The following CLEC4A variants were observed in gnomAD, a reference collection of about 807,000 sequenced individuals.
CLEC4A encodes the protein C-type (calcium dependent, carbohydrate-recognition domain) lectin, superfamily member 6.
Under a neutral mutation model 32.7 loss-of-function variants are expected in CLEC4A, and 27 were observed. That is an observed-to-expected ratio of 0.83 (90% CI 0.61 to 1.14). The LOEUF (loss-of-function observed/expected upper bound fraction) is 1.14. Among genes scored for constraint, CLEC4A ranks in the 50% most tolerant of loss-of-function variants. The probability of loss-of-function intolerance (pLI) is 0.00; values close to 1 mark genes in which losing one functional copy is unlikely to be tolerated. For missense variants in CLEC4A, 253 were observed against 274.6 expected, an observed-to-expected ratio of 0.92 and a Z score of 0.55; for synonymous variants, 89 against 93.7, an observed-to-expected ratio of 0.95 and a Z score of 0.29.
At chr12:8,135,858 A>T in intron 4 of CLEC4A, 122 bp downstream of exon 4, 1 of 983,390 alleles carries the variant, frequency 1.0e-6, no homozygotes, top group Non-Finnish European at 1.4e-6. Context: ...TTTCAATAAA[A>T]TAGGTAGAAA....
the CLEC4A span, among the ~76,000 whole-genome samples, chr12:8,105,596 C>T: frequency 2.0e-5 from 3 of 152,030 alleles, no homozygotes; most frequent in African/African-American, 4.8e-5. Context: ...ATGATCCACC[C>T]GCCTCAGCCT....
the CLEC4A span, among the ~76,000 whole-genome samples, chr12:8,113,765 G>A: frequency 6.6e-6 from 1 of 152,314 alleles, no homozygotes; most frequent in African/African-American, 2.4e-5. Flanking sequence ...ATGGGGAAGA[G>A]GGAAAGCTAA....
rs1947854423 is a variant in CLEC4A, at chr12:8,123,684, T to G, written c.-195T>G. On this transcript the variant is annotated 5_prime_UTR_variant, in exon 1 of 6. Transcript: ENST00000229332. ...GGAAAGGGCTTCTGTGAACTGCGGT[T>G]TTTAGTTTTTATTGTGGTTCTTAGT... 6 of 538,870 alleles carry G rather than the reference T, an allele frequency of 1.1e-5. No homozygotes were observed. Among genetic ancestry groups the G allele is most frequent in the Admixed American group, 3.4e-5 (1 of 29,706 alleles). 33.4% of individuals were successfully genotyped at this position (538,870 alleles called of 1,614,324 possible).
In CLEC4A at chr12:8,134,160, T is replaced by C. The variant is rs924792073; in HGVS notation, c.299-1425T>C. 12 of 1,608,462 alleles carry C rather than the reference T, an allele frequency of 7.5e-6. No homozygotes were observed. In the African/African-American group the frequency reaches 8.0e-5, roughly 11 times the overall value. On this transcript the variant is annotated intron_variant, in intron 3 of 5. Coordinates refer to ENST00000229332, the MANE Select transcript of CLEC4A (RefSeq NM_016184.4). ...TGGTTCTCGATACTGGTTCGCTTTCTCTTTCGGGCCTGCACGAGGGTTTCT... is the reference window on the plus strand; with the variant it reads ...TGGTTCTCGATACTGGTTCGCTTTCCCTTTCGGGCCTGCACGAGGGTTTCT...
the CLEC4A span, among the ~76,000 whole-genome samples, chr12:8,107,063 G>C: frequency 6.6e-6 from 1 of 152,090 alleles, no homozygotes; most frequent in Non-Finnish European, 1.5e-5. Flanking sequence ...TGCCTAGTGT[G>C]TTGAGGGTTT....
Position 8,129,313 on chromosome 12 carries a change from G to C in CLEC4A, c.249G>C (p.Glu83Asp). Residue 83 changes from glutamate to aspartate, a missense_variant, in exon 3 of 6, where the codon GAG (glutamate) becomes GAC (aspartate). Transcript: ENST00000229332. ...TTCTTGAAAAAAAGACTACAAAAGA[G>C]CTGGTTCATACAACATTGGAGTGTG... ...SQLLEKKTTKELVHTTLECVK... is the reference protein window; with the variant it reads ...SQLLEKKTTKDLVHTTLECVK... The C allele has an allele frequency of 6.2e-7, 1 of 1,607,768 alleles. No homozygotes were observed. The highest frequency in any genetic ancestry group is 8.5e-7 in the Non-Finnish European group (1 of 1,178,250).
At chr12:8,133,800 T>C (rs912558884) in intron 3 of CLEC4A, 5 of 1,583,942 alleles carry the variant, frequency 3.2e-6, no homozygotes, top group Non-Finnish European at 4.3e-6. Context: ...GAGCCCAGAG[T>C]GGTGACGGAG....
At chr12:8,138,095 A>G in intron 5 of CLEC4A, 45 bp from the exon 6 acceptor site, 1 of 1,591,088 alleles carries the variant, frequency 6.3e-7, no homozygotes, top group Non-Finnish European at 8.6e-7. Flanking sequence ...ACCCTTTTCA[A>G]AGCTCTGTTT....
At chr12:8,103,650 C>G in the CLEC4A span, among the ~76,000 whole-genome samples, 3 of 152,162 alleles carry the variant, frequency 2.0e-5, no homozygotes, top group Non-Finnish European at 4.4e-5. Context: ...GTCCCCAGTA[C>G]TGGGATTACA....
At chr12:8,134,462 C>T in intron 3 of CLEC4A, 1 of 1,613,934 alleles carries the variant, frequency 6.2e-7, no homozygotes, top group Non-Finnish European at 8.5e-7. Context: ...CCGGGTTTTG[C>T]TCCAGCTTCT....
the CLEC4A span, among the ~76,000 whole-genome samples, chr12:8,109,682 C>T: frequency 6.6e-6 from 1 of 152,122 alleles, no homozygotes; most frequent in Non-Finnish European, 1.5e-5. Flanking sequence ...TGCCACTGTA[C>T]TCCAGCTTGG....
At chr12:8,112,348 T>C in the CLEC4A span, among the ~76,000 whole-genome samples, 1 of 152,188 alleles carries the variant, frequency 6.6e-6, no homozygotes, top group Non-Finnish European at 1.5e-5. Context: ...TATCCAGTAA[T>C]GTGTCAACCC....
At chr12:8,134,120 A>G in intron 3 of CLEC4A, 2 of 1,599,458 alleles carry the variant, frequency 1.3e-6, no homozygotes, top group Admixed American at 1.7e-5. Context: ...CAAATTCTCC[A>G]GGTTGCCTCT....
intron 3 of CLEC4A, chr12:8,134,073 T>C: frequency 6.3e-7 from 1 of 1,590,294 alleles, no homozygotes; most frequent in Admixed American, 1.8e-5. Context: ...GCGATGTGGC[T>C]GATCTGCTGC....
intron 3 of CLEC4A, among the ~76,000 whole-genome samples, chr12:8,135,021 TCAGATAATTCTAACAATTTTATTATC>T (rs1565406468): frequency 1.1e-4 from 10 of 87,896 alleles, no homozygotes; most frequent in Non-Finnish European, 1.4e-4. Flanking sequence ...TAAATCTTTG[TCAGATAATTCTAACAATTTTATTATC>T]TTTTTTTTTT....
chr12:8,125,077 C>G (rs985790053), intron 1 of CLEC4A, among the ~76,000 whole-genome samples: 1 of 151,912 alleles, frequency 6.6e-6, no homozygotes, highest in African/African-American at 2.4e-5. Context: ...GATTTATTTG[C>G]TATAGCATTA....
upstream of CLEC4A, among the ~76,000 whole-genome samples, chr12:8,122,922 T>C (rs917651856): frequency 1.3e-5 from 2 of 152,032 alleles, no homozygotes; most frequent in African/African-American, 2.4e-5. Flanking sequence ...GGGCAGAGAA[T>C]CCAGGTGTGA....
chr12:8,104,605 G>A, the CLEC4A span, among the ~76,000 whole-genome samples: 3 of 152,216 alleles, frequency 2.0e-5, no homozygotes, highest in East Asian at 1.9e-4. Context: ...AGATTCAGAG[G>A]TATATATGCA....
chr12:8,135,768 C>T, intron 4 of CLEC4A, 32 bp downstream of exon 4: 2 of 1,604,716 alleles, frequency 1.2e-6, no homozygotes, highest in Non-Finnish European at 1.7e-6. Flanking sequence ...GGCTGTGAGC[C>T]CTGCCTGATC....
Sources: gnomAD v4.1 joint callset for allele counts (sites outside exome capture counted in the v4.1 genomes callset) on GRCh38, gnomAD v4.1.1 for gene constraint, MANE v1.5 for transcripts, NCBI Gene and HGNC (gene_info 2026-07-23, HGNC 2026-07-21) for gene names.